FHIT: variants seen among roughly 807,000 people sequenced by gnomAD.
The protein encoded by FHIT is fragile histidine triad diadenosine triphosphatase.
FHIT carries 19 observed loss-of-function variants against 17.9 expected under a neutral mutation model. The observed-to-expected ratio is 1.06, with a 90% CI of 0.74 to 1.56. The LOEUF is 1.56. Ranked by LOEUF, FHIT falls within the 40% of genes most tolerant of loss-of-function variation. The probability of loss-of-function intolerance (pLI) is 0.00; values close to 1 mark genes in which losing one functional copy is unlikely to be tolerated. For synonymous variants in FHIT, 81 were observed against 69.7 expected, an observed-to-expected ratio of 1.16 and a Z score of -0.81; for missense variants, 248 against 189.2, an observed-to-expected ratio of 1.31 and a Z score of -1.82.
intron 5 of FHIT, among the ~76,000 whole-genome samples, chr3:60,289,034 T>G (rs75725931): frequency 0.075 from 11,358 of 152,206 alleles, 572 homozygotes; most frequent in Admixed American, 0.11. Flanking sequence ...AAGATATCAT[T>G]TTTTTAATCC....
intron 4 of FHIT, among the ~76,000 whole-genome samples, chr3:60,744,324 T>C (rs542670385): frequency 1.8e-4 from 26 of 146,408 alleles, no homozygotes; most frequent in Admixed American, 4.0e-4. Context: ...TGCACAAGAA[T>C]TCCATCTCTC....
At chr3:60,989,663 T>G (rs2030008488) in intron 3 of FHIT, among the ~76,000 whole-genome samples, 1 of 152,178 alleles carries the variant, frequency 6.6e-6, no homozygotes, top group Non-Finnish European at 1.5e-5. Context: ...CCAGGAAAAC[T>G]CTACTTCTGT....
chr3:60,585,299 G>A (rs553239623), intron 4 of FHIT, among the ~76,000 whole-genome samples: 1 of 152,076 alleles, frequency 6.6e-6, no homozygotes, highest in African/African-American at 2.4e-5. Flanking sequence ...GAGATACGTA[G>A]ATTCAAATAA....
chr3:59,936,104 G>T (rs1575726652), intron 7 of FHIT, among the ~76,000 whole-genome samples: 1 of 152,030 alleles, frequency 6.6e-6, no homozygotes, highest in African/African-American at 2.4e-5. Context: ...GCATTGCAAG[G>T]GTTGCCAAGG....
intron 3 of FHIT, among the ~76,000 whole-genome samples, chr3:60,849,441 A>AATATATATATATAT (rs10662932): frequency 3.2e-4 from 44 of 137,694 alleles, no homozygotes; most frequent in African/African-American, 1.1e-3. Flanking sequence ...ACAAAAATGA[A>AATATATATATATAT]ATATATATAT....
intron 2 of FHIT, among the ~76,000 whole-genome samples, chr3:61,179,008 C>CTTTTTTTTTTTTTTTTTTTTTTTTTT (rs778191387): frequency 7.8e-6 from 1 of 127,628 alleles, no homozygotes. Flanking sequence ...TTTTCTTTTT[C>CTTTTTTTTTTTTTTTTTTTTTTTTTT]TTTTTTTTTT....
At chr3:59,822,816 C>T (rs1259907616) in intron 8 of FHIT, among the ~76,000 whole-genome samples, 1 of 152,066 alleles carries the variant, frequency 6.6e-6, no homozygotes, top group African/African-American at 2.4e-5. Flanking sequence ...TAAGTCCCAC[C>T]TATTTATCTT....
At chr3:60,284,041 T>TA (rs909384083) in intron 5 of FHIT, among the ~76,000 whole-genome samples, 7 of 151,636 alleles carry the variant, frequency 4.6e-5, no homozygotes, top group Non-Finnish European at 8.8e-5. Context: ...TATGAATTAA[T>TA]AAAAAAAACT....
chr3:60,392,620 C>T (rs1401196988), intron 5 of FHIT, among the ~76,000 whole-genome samples: 1 of 152,160 alleles, frequency 6.6e-6, no homozygotes, highest in Non-Finnish European at 1.5e-5. Flanking sequence ...CTGTTGCACA[C>T]AGATCAGCTG....
intron 8 of FHIT, among the ~76,000 whole-genome samples, chr3:59,772,367 C>A (rs1702111718): frequency 6.6e-6 from 1 of 152,248 alleles, no homozygotes; most frequent in Admixed American, 6.5e-5. Context: ...CTGGGAGGAA[C>A]ATATGCAGCA....
intron 5 of FHIT, among the ~76,000 whole-genome samples, chr3:60,016,806 A>C (rs1700361850): frequency 1.3e-5 from 2 of 152,184 alleles, no homozygotes; most frequent in African/African-American, 4.8e-5. Context: ...AATGGTCCAG[A>C]AACTTAAGGT....
At chr3:60,852,622 C>T (rs1425693751) in intron 3 of FHIT, among the ~76,000 whole-genome samples, 1 of 151,960 alleles carries the variant, frequency 6.6e-6, no homozygotes, top group Non-Finnish European at 1.5e-5. Context: ...CTTTTAGGCA[C>T]TTAAAACTTT....
At chr3:60,690,959 T>A (rs797028221) in intron 4 of FHIT, among the ~76,000 whole-genome samples, 1 of 147,540 alleles carries the variant, frequency 6.8e-6, no homozygotes, top group South Asian at 2.1e-4. Flanking sequence ...AAAAAAAAAA[T>A]ATCTGATTTT....
intron 4 of FHIT, among the ~76,000 whole-genome samples, chr3:60,801,328 G>C (rs1462669185): frequency 6.6e-6 from 1 of 152,204 alleles, no homozygotes; most frequent in Non-Finnish European, 1.5e-5. Context: ...ACTTAGGCAA[G>C]AGGCTTCAGG....
chr3:61,038,925 A>G (rs1237722022), intron 3 of FHIT, among the ~76,000 whole-genome samples: 1 of 152,178 alleles, frequency 6.6e-6, no homozygotes, highest in Non-Finnish European at 1.5e-5. Context: ...GTGGGCCTTC[A>G]TAAGCCATGG....
At chr3:60,957,347 C>G (rs146879763) in intron 3 of FHIT, among the ~76,000 whole-genome samples, 2,553 of 150,320 alleles carry the variant, frequency 0.017, 72 homozygotes, top group African/African-American at 0.059. Context: ...AAGCGATTCT[C>G]CTGCCTCAGC....
intron 5 of FHIT, among the ~76,000 whole-genome samples, chr3:60,414,808 A>G (rs1374768584): frequency 6.6e-6 from 1 of 152,212 alleles, no homozygotes; most frequent in South Asian, 2.1e-4. Context: ...TGTAAGAATG[A>G]TCTAAATTAT....
intron 3 of FHIT, among the ~76,000 whole-genome samples, chr3:60,884,394 T>C (rs577935927): frequency 1.3e-5 from 2 of 152,236 alleles, no homozygotes; most frequent in Admixed American, 1.3e-4. Context: ...ATCAGGATAT[T>C]GAAGAGATAT....
At chr3:60,887,274 C>A (rs1296340132) in intron 3 of FHIT, among the ~76,000 whole-genome samples, 1 of 152,134 alleles carries the variant, frequency 6.6e-6, no homozygotes, top group African/African-American at 2.4e-5. Context: ...TCTGTTAGGA[C>A]TTTTGTTTTG....
Sources: gnomAD v4.1 joint callset for allele counts (sites outside exome capture counted in the v4.1 genomes callset) on GRCh38, gnomAD v4.1.1 for gene constraint, MANE v1.5 for transcripts, NCBI Gene and HGNC (gene_info 2026-07-23, HGNC 2026-07-21) for gene names.